The following UNC79 variants were observed in gnomAD, a reference collection of about 807,000 sequenced individuals.
The protein encoded by UNC79 is protein unc-79 homolog.
UNC79 carries 37 observed loss-of-function variants against 283.1 expected under a neutral mutation model. The observed-to-expected ratio is 0.13, with a 90% CI of 0.10 to 0.17. The LOEUF is 0.17. Among genes scored for constraint, UNC79 ranks in the 10% least tolerant of loss-of-function variants. The pLI is 1.00. For synonymous variants in UNC79, 1,107 were observed against 1,200.2 expected (o/e 0.92, Z 1.61); for missense variants, 2,272 against 3,211.1 (o/e 0.71, Z 7.07).
At chr14:93,467,644 T>G (rs1219210273) in intron 1 of UNC79, 27 bp from the exon 2 acceptor site, 1 of 1,070,468 alleles carries the variant, frequency 9.3e-7, no homozygotes. Flanking sequence ...TTTTTTTTTT[T>G]TTTTTTTTTT....
downstream of UNC79, chr14:93,707,039 A>G: frequency 9.0e-7 from 1 of 1,113,604 alleles, no homozygotes; most frequent in Non-Finnish European, 1.2e-6. Context: ...AAGATGTGCA[A>G]AGGCCAGAGA....
chr14:93,467,628 C>A (rs1483008556), intron 1 of UNC79, 43 bp from the exon 2 acceptor site: 5 of 762,700 alleles, frequency 6.6e-6, no homozygotes, highest in Middle Eastern at 4.8e-4. Context: ...TTTCTTCTTC[C>A]TTTTTTTTTT....
At chr14:93,537,813 A>AT (rs1213759477) in intron 11 of UNC79, among the ~76,000 whole-genome samples, 176 bp from the exon 12 acceptor site, 1 of 152,184 alleles carries the variant, frequency 6.6e-6, no homozygotes, top group Non-Finnish European at 1.5e-5. Context: ...CCTCGCCTTT[A>AT]TTTTTTAACT....
chr14:93,468,012 A>T (rs967783432), intron 2 of UNC79, among the ~76,000 whole-genome samples: 1 of 152,076 alleles, frequency 6.6e-6, no homozygotes, highest in African/African-American at 2.4e-5. Flanking sequence ...GCTTTCCCGC[A>T]TTGAACATCT....
chr14:93,387,938 T>C (rs2054811668), intron 1 of UNC79, among the ~76,000 whole-genome samples: 1 of 152,210 alleles, frequency 6.6e-6, no homozygotes, highest in Non-Finnish European at 1.5e-5. Flanking sequence ...GTATTTACAA[T>C]TGTTATATCC....
chr14:93,463,954 A>C (rs929225884), intron 1 of UNC79, among the ~76,000 whole-genome samples: 123 of 152,036 alleles, frequency 8.1e-4, no homozygotes, highest in African/African-American at 2.8e-3. Flanking sequence ...TTGAGACCAT[A>C]CTGGCTAACA....
At chr14:93,354,149 A>G (rs560410608) in intron 1 of UNC79, among the ~76,000 whole-genome samples, 12 of 152,310 alleles carry the variant, frequency 7.9e-5, no homozygotes, top group Non-Finnish European at 1.3e-4. Context: ...TATCTTTAAC[A>G]TTTTGTAGAA....
At chr14:93,485,186 G>GTATATATATGTGTATATATATGTGTATA (rs2058349317) in intron 4 of UNC79, among the ~76,000 whole-genome samples, 1 of 145,022 alleles carries the variant, frequency 6.9e-6, no homozygotes, top group Non-Finnish European at 1.5e-5. Flanking sequence ...ATATATATAT[G>GTATATATATGTGTATATATATGTGTATA]TATATATATG....
intron 7 of UNC79, among the ~76,000 whole-genome samples, chr14:93,498,649 T>C (rs1198963450): frequency 6.6e-6 from 1 of 152,108 alleles, no homozygotes; most frequent in Non-Finnish European, 1.5e-5. Context: ...CAACAGGGAA[T>C]GAATTTTGAT....
intron 40 of UNC79, among the ~76,000 whole-genome samples, chr14:93,665,351 T>A (rs2072071316): frequency 6.6e-6 from 1 of 151,322 alleles, no homozygotes; most frequent in African/African-American, 2.4e-5. Flanking sequence ...AAAGAGAGAA[T>A]TGGTGAAATG....
chr14:93,699,453 C>T (rs2075377750), intron 47 of UNC79, among the ~76,000 whole-genome samples: 1 of 152,102 alleles, frequency 6.6e-6, no homozygotes, highest in African/African-American at 2.4e-5. Context: ...GCTGCTTTCC[C>T]CCAGATTTTG....
At chr14:93,681,342 A>G (rs1048705883) in intron 41 of UNC79, among the ~76,000 whole-genome samples, 2 of 152,232 alleles carry the variant, frequency 1.3e-5, no homozygotes, top group African/African-American at 2.4e-5. Context: ...CCTGAGCCGG[A>G]AGTCTAAGGG....
chr14:93,592,703 ACAAAAACAACCAAAAGG>A (rs1169246753), intron 22 of UNC79, among the ~76,000 whole-genome samples: 2 of 152,238 alleles, frequency 1.3e-5, no homozygotes, highest in Admixed American at 1.3e-4. Context: ...CAAAACAACA[ACAAAAACAACCAAAAGG>A]CATACTTTAA....
intron 14 of UNC79, among the ~76,000 whole-genome samples, chr14:93,567,790 T>C (rs1210435494): frequency 6.6e-6 from 1 of 152,244 alleles, no homozygotes; most frequent in Non-Finnish European, 1.5e-5. Context: ...AGGTTGAGGA[T>C]GTGCACCTGT....
At chr14:93,506,081 T>C (rs2059523388) in intron 7 of UNC79, among the ~76,000 whole-genome samples, 2 of 152,196 alleles carry the variant, frequency 1.3e-5, no homozygotes, top group Admixed American at 1.3e-4. Context: ...TAAGCTCCTA[T>C]CTGGGATTGA....
chr14:93,706,488 A>C (rs1239538558), intron 48 of UNC79, among the ~76,000 whole-genome samples: 1 of 152,120 alleles, frequency 6.6e-6, no homozygotes, highest in African/African-American at 2.4e-5. Flanking sequence ...CAAGGTGAGC[A>C]TGTCATTATT....
intron 22 of UNC79, among the ~76,000 whole-genome samples, chr14:93,589,203 G>A (rs1439066512): frequency 1.3e-5 from 2 of 152,096 alleles, no homozygotes; most frequent in Non-Finnish European, 2.9e-5. Context: ...CTTTTTCTCC[G>A]GCGCTCAGGG....
chr14:93,629,035 C>T (rs1001009651), intron 30 of UNC79, among the ~76,000 whole-genome samples: 1 of 152,112 alleles, frequency 6.6e-6, no homozygotes, highest in African/African-American at 2.4e-5. Flanking sequence ...CCCATCTCTA[C>T]TAAAAATACA....
At chr14:93,340,377 G>C (rs1299356275) in intron 1 of UNC79, among the ~76,000 whole-genome samples, 1 of 149,402 alleles carries the variant, frequency 6.7e-6, no homozygotes, top group Non-Finnish European at 1.5e-5. Flanking sequence ...AGGAGGCGGA[G>C]CTTGCAGTGA....
Sources: gnomAD v4.1 joint callset for allele counts (sites outside exome capture counted in the v4.1 genomes callset) on GRCh38, gnomAD v4.1.1 for gene constraint, MANE v1.5 for transcripts, NCBI Gene and HGNC (gene_info 2026-07-23, HGNC 2026-07-21) for gene names.